MEF2A: variants seen among roughly 807,000 people sequenced by gnomAD.
The protein encoded by MEF2A is myocyte enhancer factor 2A.
A neutral mutation model predicts 55.8 loss-of-function variants in MEF2A; 28 were observed. The observed-to-expected ratio is 0.50, with a 90% CI of 0.37 to 0.69. The LOEUF is 0.69. Ranked by LOEUF, MEF2A falls within the 30% of genes least tolerant of loss-of-function variation. The pLI, the probability that MEF2A is intolerant of heterozygous loss-of-function variation, is 0.00. For synonymous variants in MEF2A, 239 were observed against 227.1 expected (o/e 1.05, Z -0.47); for missense variants, 528 against 626.2 (o/e 0.84, Z 1.67).
Position 99,676,320 on chromosome 15 carries a change from A to G in MEF2A, c.670+862A>G, listed in dbSNP as rs140911878. On this transcript the variant is annotated intron_variant, in intron 7 of 11. Transcript: ENST00000557942. ...CTAGGGCTGCTACTCTTGTATGTGT[A>G]TTTCCAAATATTTATGGTTTTTTTT... Among the ~76,000 whole-genome samples, 561 of 152,148 alleles carry G rather than the reference A, an allele frequency of 3.7e-3. 3 individuals are homozygous for G. The highest frequency in any genetic ancestry group is 3.9e-3 in the Non-Finnish European group (268 of 67,968).
At chr15:99,709,164 T>C (rs529978195) in intron 10 of MEF2A, among the ~76,000 whole-genome samples, 1 of 152,168 alleles carries the variant, frequency 6.6e-6, no homozygotes, top group East Asian at 1.9e-4. Context: ...GAGGTGGCAG[T>C]AGAGATGGTG....
rs75001632 is a variant in MEF2A at position 99,658,184 on chromosome 15, T to G, written c.258+12420T>G. Among the ~76,000 whole-genome samples the G allele has an allele frequency of 3.1e-3, 477 of 152,266 alleles. 4 individuals carry two copies. Among genetic ancestry groups the G allele is most frequent in the African/African-American group, 0.011 (457 of 41,572 alleles). On this transcript the variant is annotated intron_variant, in intron 4 of 11. Coordinates refer to ENST00000557942, the MANE Select transcript of MEF2A (RefSeq NM_001319206.4). ...TAGAACAGTTTCACTTTCTATGTTT[T>G]AAGAAATAAGCTTGAAAATATCAGT...
intron 1 of MEF2A, among the ~76,000 whole-genome samples, chr15:99,571,883 A>G (rs897428028): frequency 2.0e-5 from 3 of 151,970 alleles, no homozygotes; most frequent in African/African-American, 7.3e-5. Flanking sequence ...CACCTTCACA[A>G]TTTGCCTTGA....
chr15:99,607,931 T>A (rs551905476), intron 2 of MEF2A, among the ~76,000 whole-genome samples: 10 of 152,338 alleles, frequency 6.6e-5, no homozygotes, highest in African/African-American at 2.4e-4. Flanking sequence ...CATCAGTTCT[T>A]ATAATTTCCT....
rs1226523095 is a variant in MEF2A, at chr15:99,713,698, T to A, written c.*927T>A. ...ATAAGCCAAAGCTATATGTTGTAAC[T>A]TTTTTTTAGAGAATAGCTTTATCTT... On this transcript the variant is annotated 3_prime_UTR_variant, in exon 12 of 12. Transcript: ENST00000557942. 1 of 151,984 alleles carries A rather than the reference T, an allele frequency of 6.6e-6. No individual in the cohort carries two copies. The highest frequency in any genetic ancestry group is 1.5e-5 in the Non-Finnish European group (1 of 67,980). 9.4% of individuals were successfully genotyped at this position (151,984 alleles called of 1,614,324 possible). A position where few individuals can be genotyped will look rare whatever the true frequency, so the allele number is the denominator to read the frequency against.
At chr15:99,632,142 C>T (rs539226994) in intron 2 of MEF2A, among the ~76,000 whole-genome samples, 2 of 152,182 alleles carry the variant, frequency 1.3e-5, no homozygotes, top group South Asian at 2.1e-4. Flanking sequence ...GAATAAAAAA[C>T]GCTTGAAAGA....
At chr15:99,591,962 C>T (rs1969448928) in intron 1 of MEF2A, among the ~76,000 whole-genome samples, 1 of 152,122 alleles carries the variant, frequency 6.6e-6, no homozygotes, top group Admixed American at 6.5e-5. Flanking sequence ...GGATTTCCCC[C>T]CTGGTGGTGT....
chr15:99,642,986 G>A (rs2045300955), intron 3 of MEF2A, among the ~76,000 whole-genome samples: 1 of 152,138 alleles, frequency 6.6e-6, no homozygotes, highest in African/African-American at 2.4e-5. Flanking sequence ...GAGTAAACAT[G>A]ACTTTATTCC....
At chr15:99,593,488 T>A (rs1164155599) in intron 1 of MEF2A, among the ~76,000 whole-genome samples, 1 of 152,094 alleles carries the variant, frequency 6.6e-6, no homozygotes, top group African/African-American at 2.4e-5. Flanking sequence ...GCATGAGGAG[T>A]TGGGTGCCCA....
intron 7 of MEF2A, among the ~76,000 whole-genome samples, chr15:99,677,688 C>T (rs1442520402): frequency 6.6e-6 from 1 of 152,042 alleles, no homozygotes; most frequent in East Asian, 1.9e-4. Context: ...CCAAAACTAA[C>T]AACAACAAAA....
intron 7 of MEF2A, among the ~76,000 whole-genome samples, chr15:99,683,902 CT>C (rs1370171671): frequency 6.6e-6 from 1 of 152,040 alleles, no homozygotes; most frequent in East Asian, 1.9e-4. Flanking sequence ...TTGTATCATT[CT>C]TATGCCGTTG....
At chr15:99,645,825 A>G in intron 4 of MEF2A, 61 bp downstream of exon 4, 1 of 1,184,506 alleles carries the variant, frequency 8.4e-7, no homozygotes, top group South Asian at 1.6e-5. Context: ...GTTTAATAGC[A>G]TTAACTGTCA....
intron 2 of MEF2A, among the ~76,000 whole-genome samples, chr15:99,616,329 GT>G (rs530635207): frequency 4.6e-5 from 7 of 151,822 alleles, no homozygotes; most frequent in Non-Finnish European, 7.4e-5. Context: ...TGATGACTGG[GT>G]TTTTTTTGTC....
In MEF2A at chr15:99,705,835, CAA is replaced by C. The variant is rs1287386279; in HGVS notation, c.883-892_883-891del. ...AGGCTGTAACATAATTTATAAAAAA[CAA>C]ATAGAGTTGTGCTGTGGCTTTCTTA... On this transcript the variant is annotated intron_variant, in intron 9 of 11. Coordinates refer to ENST00000557942, the MANE Select transcript of MEF2A (RefSeq NM_001319206.4). Among the ~76,000 whole-genome samples, 4 of 152,172 alleles carry C rather than the reference CAA, an allele frequency of 2.6e-5. No individual in the cohort carries two copies. The South Asian group carries it at 6.2e-4, about 24-fold the overall frequency.
chr15:99,652,313 C>T (rs556458828), intron 4 of MEF2A, among the ~76,000 whole-genome samples: 6 of 152,246 alleles, frequency 3.9e-5, no homozygotes, highest in East Asian at 1.9e-4. Flanking sequence ...TCGTGCAGTT[C>T]GCAGTAGGTT....
chr15:99,588,426 C>T (rs983469469), intron 1 of MEF2A, among the ~76,000 whole-genome samples: 5 of 151,978 alleles, frequency 3.3e-5, no homozygotes, highest in South Asian at 2.1e-4. Context: ...CTCAGCCTCC[C>T]GAGTAGCTGG....
intron 8 of MEF2A, chr15:99,690,715 T>C (rs2055251108): frequency 2.0e-6 from 1 of 512,236 alleles, no homozygotes; most frequent in Non-Finnish European, 3.8e-6. Context: ...GAAAGATAGA[T>C]ACTGCAAGGT....
chr15:99,620,530 A>G (rs2040966290), intron 2 of MEF2A, among the ~76,000 whole-genome samples: 1 of 152,102 alleles, frequency 6.6e-6, no homozygotes, highest in Non-Finnish European at 1.5e-5. Context: ...TGTTCTTTTT[A>G]TGACTGTGTA....
Position 99,709,415 on chromosome 15 carries a change from T to C in MEF2A, c.1010-1219T>C, listed in dbSNP as rs117551161. Among the ~76,000 whole-genome samples, 1,311 of 152,312 alleles carry C rather than the reference T, an allele frequency of 8.6e-3. 44 individuals are homozygous for C. Among genetic ancestry groups the C allele is most frequent in the Admixed American group, 0.06 (925 of 15,306 alleles). Reference sequence around the variant, plus strand: ...TCCAAATGGACATGGCACTAGGTCGTTTAAAAGATCTAGAGGTCGAAGGAG... The same window carrying C: ...TCCAAATGGACATGGCACTAGGTCGCTTAAAAGATCTAGAGGTCGAAGGAG... On this transcript the variant is annotated intron_variant, in intron 10 of 11. Transcript: ENST00000557942.
Sources: gnomAD v4.1 joint callset for allele counts (sites outside exome capture counted in the v4.1 genomes callset) on GRCh38, gnomAD v4.1.1 for gene constraint, MANE v1.5 for transcripts, NCBI Gene and HGNC (gene_info 2026-07-23, HGNC 2026-07-21) for gene names.